The following PIP5K1B variants were observed in gnomAD, a reference collection of about 807,000 sequenced individuals.
The protein encoded by PIP5K1B is phosphatidylinositol-4-phosphate 5-kinase type 1 beta.
A neutral mutation model predicts 67.0 loss-of-function variants in PIP5K1B; 42 were observed. The ratio of observed to expected loss-of-function variants is 0.63; its 90% CI spans 0.49 to 0.81. The LOEUF (loss-of-function observed/expected upper bound fraction) is 0.81. Ranked by LOEUF, PIP5K1B falls within the 30% of genes least tolerant of loss-of-function variation. PIP5K1B has a pLI of 0.00. For synonymous variants in PIP5K1B, 214 were observed against 231.4 expected (o/e 0.92, Z 0.68); for missense variants, 459 against 646.3 (o/e 0.71, Z 3.14).
chr9:68,759,282 T>G (rs1830078802), intron 2 of PIP5K1B, among the ~76,000 whole-genome samples: 1 of 152,146 alleles, frequency 6.6e-6, no homozygotes, highest in Non-Finnish European at 1.5e-5. Context: ...TGAATGCAGA[T>G]GTAATATATG....
At chr9:68,945,080 T>G (rs1333560171) in intron 14 of PIP5K1B, among the ~76,000 whole-genome samples, 1 of 152,036 alleles carries the variant, frequency 6.6e-6, no homozygotes, top group South Asian at 2.1e-4. Context: ...TTTTTTTTTT[T>G]GCTGCTTAAT....
At chr9:68,738,534 C>T (rs1828852684) in intron 1 of PIP5K1B, among the ~76,000 whole-genome samples, 1 of 152,162 alleles carries the variant, frequency 6.6e-6, no homozygotes, top group Non-Finnish European at 1.5e-5. Flanking sequence ...CAGCAGTTGG[C>T]ATCACCTTCC....
intron 3 of PIP5K1B, 111 bp from the exon 4 acceptor site, chr9:68,822,504 C>T (rs1833779158): frequency 2.8e-6 from 2 of 718,142 alleles, no homozygotes; most frequent in Non-Finnish European, 4.7e-6. Context: ...ACAGCAATAG[C>T]AATAACAAAA....
chr9:68,893,333 C>CTTT (rs397792694), intron 7 of PIP5K1B, among the ~76,000 whole-genome samples: 2,125 of 110,954 alleles, frequency 0.019, 148 homozygotes, highest in Non-Finnish European at 0.023. Flanking sequence ...TATTTTTTTT[C>CTTT]TTTTTTTTTT....
chr9:68,708,386 C>T (rs1279679561), intron 1 of PIP5K1B, among the ~76,000 whole-genome samples: 1 of 152,276 alleles, frequency 6.6e-6, no homozygotes, highest in Non-Finnish European at 1.5e-5. Flanking sequence ...ATTCCCAACA[C>T]ATAAGATAAT....
chr9:68,829,081 G>A lies in PIP5K1B; in HGVS notation c.69+6398G>A, dbSNP rs186650702. On this transcript the variant is annotated intron_variant, in intron 4 of 15. Transcript: ENST00000265382. ...CACGCCACTGCACTCCAGCCTGGGC[G>A]ACAGAGCAAGACTCTGGCTCAAAAA... Among the ~76,000 whole-genome samples, 136 of 152,316 alleles carry A rather than the reference G, an allele frequency of 8.9e-4. No individual in the cohort carries two copies. In the Middle Eastern group the frequency reaches 0.01, roughly 11 times the overall value.
chr9:68,999,825 T>C (rs935214465), intron 15 of PIP5K1B, among the ~76,000 whole-genome samples: 3 of 152,244 alleles, frequency 2.0e-5, no homozygotes, highest in African/African-American at 7.2e-5. Flanking sequence ...CACCTACTGA[T>C]AATCAAGGCG....
At chr9:68,785,709 G>T (rs1831572770) in intron 2 of PIP5K1B, among the ~76,000 whole-genome samples, 3 of 152,184 alleles carry the variant, frequency 2.0e-5, no homozygotes, top group Admixed American at 2.0e-4. Context: ...GAGCTGGGAG[G>T]TAGGCAGCGA....
At chr9:68,902,688 C>T (rs1376900590) in intron 8 of PIP5K1B, among the ~76,000 whole-genome samples, 1 of 152,222 alleles carries the variant, frequency 6.6e-6, no homozygotes, top group Non-Finnish European at 1.5e-5. Flanking sequence ...AACTGCCATA[C>T]TCTTTTCCAG....
chr9:68,807,320 G>A (rs191846524), intron 2 of PIP5K1B, among the ~76,000 whole-genome samples: 1 of 152,116 alleles, frequency 6.6e-6, no homozygotes, highest in Non-Finnish European at 1.5e-5. Flanking sequence ...TGCTTGTTAC[G>A]AATTAAGCTT....
chr9:68,885,998 G>A (rs552995999), intron 6 of PIP5K1B, among the ~76,000 whole-genome samples: 32 of 152,048 alleles, frequency 2.1e-4, no homozygotes, highest in Non-Finnish European at 4.3e-4. Context: ...TAGCTAATGC[G>A]GTGAAACCCC....
At chr9:68,888,579 T>C (rs1824602325) in intron 6 of PIP5K1B, among the ~76,000 whole-genome samples, 1 of 152,218 alleles carries the variant, frequency 6.6e-6, no homozygotes, top group Non-Finnish European at 1.5e-5. Context: ...GGGAAAATCA[T>C]GAAAAGAGAA....
At chr9:68,711,877 A>G (rs1480890220) in intron 1 of PIP5K1B, among the ~76,000 whole-genome samples, 4 of 152,230 alleles carry the variant, frequency 2.6e-5, no homozygotes, top group East Asian at 1.9e-4. Flanking sequence ...TACAGAGACA[A>G]GAATGGACTT....
intron 4 of PIP5K1B, among the ~76,000 whole-genome samples, chr9:68,854,805 A>G (rs562360141): frequency 1.3e-5 from 2 of 152,370 alleles, no homozygotes. Flanking sequence ...CCCGCTATCC[A>G]GAAATAATTG....
intron 8 of PIP5K1B, among the ~76,000 whole-genome samples, 172 bp downstream of exon 8, chr9:68,894,810 T>G (rs965950722): frequency 1.9e-4 from 29 of 152,224 alleles, no homozygotes; most frequent in African/African-American, 7.0e-4. Flanking sequence ...AAGGAATTGG[T>G]AGATGATAAG....
chr9:68,871,831 A>G (rs1358090305), intron 5 of PIP5K1B, among the ~76,000 whole-genome samples: 1 of 151,812 alleles, frequency 6.6e-6, no homozygotes, highest in East Asian at 1.9e-4. Flanking sequence ...AGCATCTAGA[A>G]CCACTGCTCA....
intron 4 of PIP5K1B, among the ~76,000 whole-genome samples, chr9:68,860,510 TA>T (rs1246357693): frequency 6.6e-6 from 1 of 152,212 alleles, no homozygotes; most frequent in African/African-American, 2.4e-5. Context: ...ATAAAATTTT[TA>T]CCCTTTTTTC....
intron 4 of PIP5K1B, among the ~76,000 whole-genome samples, chr9:68,858,347 C>G (rs991860197): frequency 1.3e-5 from 2 of 152,136 alleles, no homozygotes; most frequent in Non-Finnish European, 2.9e-5. Flanking sequence ...CAGTGAATAT[C>G]TCTGATTTAG....
At chr9:68,803,576 G>A (rs555718119) in intron 2 of PIP5K1B, among the ~76,000 whole-genome samples, 2 of 152,352 alleles carry the variant, frequency 1.3e-5, no homozygotes, top group African/African-American at 4.8e-5. Context: ...TTCATCATCC[G>A]TGGAAGAAAG....
Sources: allele counts gnomAD v4.1 joint callset (sites outside exome capture counted in the v4.1 genomes callset), GRCh38; gene constraint gnomAD v4.1.1; transcripts MANE v1.5; gene names NCBI Gene and HGNC (gene_info 2026-07-23, HGNC 2026-07-21).